Variants in ZNF704 observed in about 807,000 individuals in gnomAD.
ZNF704 encodes glucocorticoid induced gene 1.
Under a neutral mutation model 44.7 loss-of-function variants are expected in ZNF704, and 10 were observed. The ratio of observed to expected loss-of-function variants is 0.22; its 90% CI spans 0.14 to 0.38. ZNF704 has a LOEUF of 0.38. Among genes scored for constraint, ZNF704 ranks in the 10% least tolerant of loss-of-function variants. The probability of loss-of-function intolerance (pLI) is 1.00; values close to 1 mark genes in which losing one functional copy is unlikely to be tolerated. For synonymous variants in ZNF704, 211 were observed against 207.6 expected (o/e 1.02, Z -0.14); for missense variants, 390 against 545.5 (o/e 0.71, Z 2.84).
At chr8:80,748,731 G>A (rs1806890004) in intron 2 of ZNF704, among the ~76,000 whole-genome samples, 1 of 152,144 alleles carries the variant, frequency 6.6e-6, no homozygotes, top group African/African-American at 2.4e-5. Flanking sequence ...TTGGTGAGGG[G>A]AACTTGGCTT....
intron 1 of ZNF704, among the ~76,000 whole-genome samples, chr8:80,841,229 G>A (rs375554377): frequency 5.3e-5 from 8 of 152,086 alleles, no homozygotes; most frequent in African/African-American, 1.9e-4. Flanking sequence ...CTTGTCACAC[G>A]CATCATATGG....
chr8:80,821,319 A>C (rs76946802), intron 2 of ZNF704, 55 bp downstream of exon 2: 7 of 1,544,474 alleles, frequency 4.5e-6, no homozygotes, highest in Non-Finnish European at 4.5e-6. Context: ...GAGATTATGC[A>C]TGCTCTCCAC....
chr8:80,810,587 A>C (rs1808065719), intron 2 of ZNF704, among the ~76,000 whole-genome samples: 1 of 152,176 alleles, frequency 6.6e-6, no homozygotes, highest in Admixed American at 6.5e-5. Context: ...AGCTACCATG[A>C]GGAATGTCAG....
intron 2 of ZNF704, among the ~76,000 whole-genome samples, chr8:80,743,655 T>C (rs1009643857): frequency 6.6e-6 from 1 of 152,124 alleles, no homozygotes; most frequent in African/African-American, 2.4e-5. Flanking sequence ...GGAGTCTCCA[T>C]TCCTTTCTCA....
intron 4 of ZNF704, 96 bp downstream of exon 4, chr8:80,687,120 AGAAAGGGGGT>A (rs1818550904): frequency 1.1e-6 from 1 of 892,386 alleles, no homozygotes; most frequent in Admixed American, 2.4e-5. Context: ...TTCTTTCCAC[AGAAAGGGGGT>A]GTAGGTCCAA....
chr8:80,880,939 A>G, the ZNF704 span, among the ~76,000 whole-genome samples: 1 of 152,248 alleles, frequency 6.6e-6, no homozygotes. Flanking sequence ...GAAATTCTAA[A>G]GCTTTGATAC....
At position 80,828,318 on chromosome 8, in the gene ZNF704, T is replaced by A. The variant is rs1051343041; in HGVS notation, c.-21-6703A>T. Reference sequence around the variant, plus strand: ...TAAAATTAAACCTTAATGAACTGAATCTTGTTACTTCAGACTTTGTGAAAC... The same window carrying A: ...TAAAATTAAACCTTAATGAACTGAAACTTGTTACTTCAGACTTTGTGAAAC... On this transcript the variant is annotated intron_variant, in intron 1 of 8. Transcript: ENST00000327835. 1.8e-4 allele frequency among the ~76,000 whole-genome samples: 28 copies of A among 152,272 alleles called. No homozygotes were observed. In the South Asian group the frequency reaches 2.1e-3, roughly 11 times the overall value.
chr8:80,771,971 T>G (rs1807328453), intron 2 of ZNF704, among the ~76,000 whole-genome samples: 1 of 152,224 alleles, frequency 6.6e-6, no homozygotes, highest in Non-Finnish European at 1.5e-5. Flanking sequence ...CCTATTAATG[T>G]GGTGATTAAT....
At chr8:80,855,834 C>T (rs143580459) in intron 1 of ZNF704, among the ~76,000 whole-genome samples, 1 of 152,230 alleles carries the variant, frequency 6.6e-6, no homozygotes, top group Non-Finnish European at 1.5e-5. Context: ...CCTAAGGTAA[C>T]GAAGACTATA....
chr8:80,661,991 T>A (rs2131607067), intron 6 of ZNF704, among the ~76,000 whole-genome samples: 1 of 152,300 alleles, frequency 6.6e-6, no homozygotes, highest in South Asian at 2.1e-4. Context: ...AGGCGATTAA[T>A]ATTCAAAATA....
At chr8:80,761,102 C>G (rs931280218) in intron 2 of ZNF704, among the ~76,000 whole-genome samples, 6 of 152,142 alleles carry the variant, frequency 3.9e-5, no homozygotes, top group African/African-American at 1.4e-4. Flanking sequence ...TACCCTTATA[C>G]AAGGGCTGCA....
At chr8:80,791,465 A>C (rs925321007) in intron 2 of ZNF704, among the ~76,000 whole-genome samples, 2 of 152,198 alleles carry the variant, frequency 1.3e-5, no homozygotes, top group African/African-American at 4.8e-5. Context: ...GGTGCAGGAA[A>C]TGCTTAGAAG....
At chr8:80,664,272 ATTT>A (rs146856594) in intron 6 of ZNF704, among the ~76,000 whole-genome samples, 5 of 126,674 alleles carry the variant, frequency 3.9e-5, no homozygotes, top group Admixed American at 8.0e-5. Flanking sequence ...AACATTAGGG[ATTT>A]TTTTTTTTTT....
intron 2 of ZNF704, among the ~76,000 whole-genome samples, chr8:80,785,210 C>G (rs563236972): frequency 9.9e-5 from 15 of 152,252 alleles, no homozygotes; most frequent in African/African-American, 3.4e-4. Context: ...AAGTATTTTA[C>G]AGAATACACC....
At chr8:80,791,678 A>G (rs1234319414) in intron 2 of ZNF704, among the ~76,000 whole-genome samples, 1 of 152,166 alleles carries the variant, frequency 6.6e-6, no homozygotes, top group Non-Finnish European at 1.5e-5. Context: ...GCTTCTGCTG[A>G]CAAGTCTCCA....
chr8:80,733,153 G>T (rs1806610309), intron 2 of ZNF704, among the ~76,000 whole-genome samples: 1 of 151,922 alleles, frequency 6.6e-6, no homozygotes, highest in Admixed American at 6.6e-5. Context: ...TTTTCAGTTG[G>T]TTTATTTTGG....
rs73254818 is a variant in ZNF704 at position 80,726,305 on chromosome 8, A to G, written c.222-33198T>C. 4.8e-3 allele frequency among the ~76,000 whole-genome samples: 725 copies of G among 152,300 alleles called. 5 individuals are homozygous for G. Among genetic ancestry groups the G allele is most frequent in the African/African-American group, 0.016 (666 of 41,578 alleles). Reference sequence around the variant, plus strand: ...GTTTGAAATTCAGCTCTGTAAAAGCAAGAATTTACGACATATTTAGAAATT... The same window carrying G: ...GTTTGAAATTCAGCTCTGTAAAAGCGAGAATTTACGACATATTTAGAAATT... On this transcript the variant is annotated intron_variant, in intron 2 of 8. Transcript: ENST00000327835.
Position 80,635,333 on chromosome 8 carries a change from C to T in ZNF704, c.*6033G>A, listed in dbSNP as rs1186303216. 1 of 152,216 alleles carries T rather than the reference C, an allele frequency of 6.6e-6. No individual in the cohort carries two copies. Among genetic ancestry groups the T allele is most frequent in the Non-Finnish European group, 1.5e-5 (1 of 68,036 alleles). 9.4% of individuals were successfully genotyped at this position (152,216 alleles called of 1,614,324 possible). ...AACTCAGTCACTTTCTGATCACAAC[C>T]TCATGTGCCTGCTAGTTCTTCACAG... On this transcript the variant is annotated 3_prime_UTR_variant, in exon 9 of 9. Transcript: ENST00000327835.
chr8:80,657,106 G>A (rs1286490486), intron 7 of ZNF704, among the ~76,000 whole-genome samples: 1 of 152,180 alleles, frequency 6.6e-6, no homozygotes, highest in Non-Finnish European at 1.5e-5. Flanking sequence ...CTGCATCTGT[G>A]TGGGTGGGCT....
Sources: gnomAD v4.1 joint callset for allele counts (sites outside exome capture counted in the v4.1 genomes callset) on GRCh38, gnomAD v4.1.1 for gene constraint, MANE v1.5 for transcripts, NCBI Gene and HGNC (gene_info 2026-07-23, HGNC 2026-07-21) for gene names.